Variants in TNR observed in about 807,000 individuals in gnomAD.
TNR encodes tenascin R.
TNR carries 45 observed loss-of-function variants against 150.4 expected under a neutral mutation model. That is an observed-to-expected ratio of 0.30 (90% CI 0.24 to 0.38). TNR has a LOEUF of 0.38. Ranked by LOEUF, TNR falls within the 10% of genes least tolerant of loss-of-function variation. The pLI, the probability that TNR is intolerant of heterozygous loss-of-function variation, is 1.00. For synonymous variants in TNR, 687 were observed against 678.4 expected, an observed-to-expected ratio of 1.01 and a Z score of -0.20; for missense variants, 1,544 against 1,759.1, an observed-to-expected ratio of 0.88 and a Z score of 2.19.
At chr1:175,502,879 C>T (rs1400866507) in intron 2 of TNR, among the ~76,000 whole-genome samples, 2 of 151,404 alleles carry the variant, frequency 1.3e-5, no homozygotes, top group Non-Finnish European at 2.9e-5. Flanking sequence ...CAAATATGCC[C>T]AAGGCTGCAG....
intron 1 of TNR, among the ~76,000 whole-genome samples, chr1:175,694,783 G>A (rs1196783732): frequency 2.0e-5 from 3 of 152,194 alleles, no homozygotes; most frequent in Non-Finnish European, 4.4e-5. Flanking sequence ...AGAAGGCCAT[G>A]TGTAGACACA....
intron 2 of TNR, among the ~76,000 whole-genome samples, chr1:175,416,694 AGATTGAGAAATT>A (rs893252585): frequency 6.6e-6 from 1 of 152,136 alleles, no homozygotes; most frequent in Non-Finnish European, 1.5e-5. Context: ...TCCTTAGAAC[AGATTGAGAAATT>A]GGTTTGAAAT....
intron 1 of TNR, among the ~76,000 whole-genome samples, chr1:175,532,591 C>T (rs1036172778): frequency 6.6e-6 from 1 of 152,190 alleles, no homozygotes; most frequent in African/African-American, 2.4e-5. Context: ...TACCCTAAAA[C>T]TCAGTGGTTG....
intron 1 of TNR, among the ~76,000 whole-genome samples, chr1:175,640,639 C>T (rs188665811): frequency 1.4e-4 from 22 of 152,144 alleles, no homozygotes; most frequent in African/African-American, 4.8e-4. Flanking sequence ...CTTGGGCTCA[C>T]GACAGTTCTC....
In TNR at chr1:175,391,348, T is replaced by C; in HGVS notation, c.1447A>G (p.Asn483Asp). 2.5e-6 allele frequency: 4 copies of C among 1,614,148 alleles called. No homozygotes were observed. The highest frequency in any genetic ancestry group is 3.4e-6 in the Non-Finnish European group (4 of 1,180,026). ...GLKPGEEYIV[N>D]VVALKEQARS... The stretch of plus-strand genomic sequence containing the variant: ...GCCTGTTCTTTCAGAGCCACCACAT[T>C]GACAATGTATTCCTCCCCAGGCTTT... Residue 483 changes from asparagine (N) to aspartate (D), a missense_variant, in exon 7 of 23, where the codon AAT becomes GAT. Transcript: ENST00000367674.
chr1:175,733,245 T>C (rs1667688568), intron 1 of TNR, among the ~76,000 whole-genome samples: 1 of 152,222 alleles, frequency 6.6e-6, no homozygotes, highest in African/African-American at 2.4e-5. Flanking sequence ...GATTTCCCAC[T>C]GTCACAGAGT....
chr1:175,356,719 A>C (rs182409556), intron 15 of TNR, among the ~76,000 whole-genome samples: 1 of 152,292 alleles, frequency 6.6e-6, no homozygotes, highest in African/African-American at 2.4e-5. Flanking sequence ...TGGAGTTATT[A>C]AGGATAAATC....
At chr1:175,346,993 C>T (rs1338296126) in intron 18 of TNR, among the ~76,000 whole-genome samples, 1 of 151,192 alleles carries the variant, frequency 6.6e-6, no homozygotes, top group Non-Finnish European at 1.5e-5. Context: ...GATTTCAAAA[C>T]CCAATAAAGA....
At chr1:175,581,061 G>T (rs1662331355) in intron 1 of TNR, among the ~76,000 whole-genome samples, 1 of 152,216 alleles carries the variant, frequency 6.6e-6, no homozygotes, top group African/African-American at 2.4e-5. Flanking sequence ...AGGACTGAAA[G>T]CTCAGTGGAA....
intron 1 of TNR, among the ~76,000 whole-genome samples, chr1:175,730,187 T>C (rs1020427708): frequency 2.0e-5 from 3 of 152,190 alleles, no homozygotes; most frequent in African/African-American, 4.8e-5. Context: ...CCTTCCAATA[T>C]GCCTTTTCTA....
intron 2 of TNR, among the ~76,000 whole-genome samples, chr1:175,484,570 C>T (rs1447411117): frequency 6.6e-6 from 1 of 152,048 alleles, no homozygotes; most frequent in Non-Finnish European, 1.5e-5. Context: ...TGTTTCTTTA[C>T]ATTTATTCCT....
intron 1 of TNR, among the ~76,000 whole-genome samples, chr1:175,695,327 T>TC (rs1666482953): frequency 6.6e-6 from 1 of 152,176 alleles, no homozygotes; most frequent in Non-Finnish European, 1.5e-5. Context: ...GATTCTGTGG[T>TC]CCCAAACAAG....
rs559667143 is a variant in TNR at position 175,443,490 on chromosome 1, C to T, written c.-63-36713G>A. 3.3e-4 allele frequency among the ~76,000 whole-genome samples: 50 copies of T among 152,296 alleles called. No individual in the cohort carries two copies. In the South Asian group the frequency reaches 0.01, roughly 31 times the overall value. ...TGCTTAGCAAGTGTTTACTCATCAT[C>T]TTCTGTGTGCTTAGCTCTGTGGTTG... On this transcript the variant is annotated intron_variant, in intron 2 of 22. Coordinates refer to ENST00000367674, the MANE Select transcript of TNR (RefSeq NM_003285.3).
intron 1 of TNR, among the ~76,000 whole-genome samples, chr1:175,549,860 G>T (rs955302568): frequency 3.9e-5 from 6 of 152,090 alleles, no homozygotes; most frequent in African/African-American, 1.4e-4. Context: ...GGGTGCAGCT[G>T]GTCAACACCA....
chr1:175,365,709 C>A (rs1316014569), intron 11 of TNR, among the ~76,000 whole-genome samples, 166 bp downstream of exon 11: 1 of 152,046 alleles, frequency 6.6e-6, no homozygotes, highest in African/African-American at 2.4e-5. Flanking sequence ...TTACTTCCAA[C>A]CCTTCCCTCT....
intron 1 of TNR, among the ~76,000 whole-genome samples, chr1:175,692,687 G>T (rs1053433968): frequency 5.9e-5 from 9 of 152,158 alleles, no homozygotes; most frequent in Non-Finnish European, 1.0e-4. Flanking sequence ...ACTAACAGGG[G>T]AGAGGAGAGG....
At chr1:175,573,358 G>A (rs910348370) in intron 1 of TNR, among the ~76,000 whole-genome samples, 3 of 152,220 alleles carry the variant, frequency 2.0e-5, no homozygotes, top group African/African-American at 4.8e-5. Context: ...GTGAGGTATG[G>A]AGCTAGCACT....
intron 9 of TNR, among the ~76,000 whole-genome samples, chr1:175,376,027 C>T (rs920829963): frequency 3.3e-5 from 5 of 152,068 alleles, no homozygotes; most frequent in Admixed American, 6.6e-5. Context: ...GGGGTACTTC[C>T]ACAGCTGTGC....
At chr1:175,465,773 A>AG (rs11373312) in intron 2 of TNR, among the ~76,000 whole-genome samples, 152,332 of 152,332 alleles carry the variant, frequency 1, 76,166 homozygotes, top group Non-Finnish European at 1. Context: ...GGCCCCGCAA[A>AG]GGCAAGCCCA....
Sources: gnomAD v4.1 joint callset for allele counts (sites outside exome capture counted in the v4.1 genomes callset) on GRCh38, gnomAD v4.1.1 for gene constraint, MANE v1.5 for transcripts, NCBI Gene and HGNC (gene_info 2026-07-23, HGNC 2026-07-21) for gene names.